BRWD3: variants seen among roughly 807,000 people sequenced by gnomAD.
BRWD3 encodes the protein bromodomain and WD repeat-containing protein 3.
Under a neutral mutation model 149.7 loss-of-function variants are expected in BRWD3, and 10 were observed. The observed-to-expected ratio is 0.07, with a 90% CI of 0.04 to 0.11. The LOEUF is 0.11. BRWD3 is among the 10% of genes least tolerant of loss of function. The pLI is 1.00. For missense variants in BRWD3, 940 were observed against 1,373.2 expected, an observed-to-expected ratio of 0.68 and a Z score of 4.99; for synonymous variants, 504 against 456.7, an observed-to-expected ratio of 1.10 and a Z score of -1.32.
At chrX:80,730,121 G>A in intron 12 of BRWD3, 101 bp from the exon 13 acceptor site, 1 of 547,837 alleles carries the variant, frequency 1.8e-6, no homozygotes, top group Admixed American at 2.7e-5. Context: ...CTACTGAGGG[G>A]AATGTAAAAT....
intron 5 of BRWD3, among the ~76,000 whole-genome samples, chrX:80,792,297 A>G (rs1444930133): frequency 1.8e-5 from 2 of 112,025 alleles, no homozygotes; most frequent in Admixed American, 1.9e-4. Context: ...GTCTATTCAT[A>G]TAAAACCGTA....
intron 6 of BRWD3, among the ~76,000 whole-genome samples, chrX:80,748,558 A>G (rs1039534948): frequency 8.9e-6 from 1 of 111,756 alleles, no homozygotes; most frequent in Non-Finnish European, 1.9e-5. Flanking sequence ...TACCGACTCA[A>G]TCTCATTACT....
At chrX:80,733,584 A>G (rs1431994069) in intron 11 of BRWD3, 88 bp from the exon 12 acceptor site, 57 of 709,333 alleles carry the variant, frequency 8.0e-5, no homozygotes, top group Non-Finnish European at 1.2e-4. Flanking sequence ...AGGCAAAAAC[A>G]TCATGAAGTA....
chrX:80,685,482 G>C lies in BRWD3; in HGVS notation c.4060C>G (p.Gln1354Glu). The C allele has an allele frequency of 8.3e-7, 1 of 1,208,213 alleles. No individual in the cohort carries two copies. The highest frequency in any genetic ancestry group is 1.1e-6 in the Non-Finnish European group (1 of 892,864). ...SSESVVPERQ[Q>E]DSSLSEDYQD... ...CCTACCTCAGAAAGAGATGAATCTT[G>C]TTGTCTTTCTGGAACAACAGACTCT... Residue 1354 changes from glutamine (Q) to glutamate (E), a missense_variant, in exon 36 of 41, where the codon CAA becomes GAA. Coordinates refer to ENST00000373275, the MANE Select transcript of BRWD3 (RefSeq NM_153252.5).
At chrX:80,712,693 T>C (rs1175749538) in intron 20 of BRWD3, among the ~76,000 whole-genome samples, 2 of 109,071 alleles carry the variant, frequency 1.8e-5, no homozygotes, top group African/African-American at 6.7e-5. Context: ...CCATCCCATC[T>C]AGGAAGTGAG....
chrX:80,682,258 C>G (rs1323701875), intron 38 of BRWD3, among the ~76,000 whole-genome samples, 164 bp from the exon 39 acceptor site: 2 of 111,032 alleles, frequency 1.8e-5, no homozygotes, highest in Non-Finnish European at 3.8e-5. Context: ...AAACTTCAAT[C>G]ATTAAAATTT....
At chrX:80,745,492 A>G in intron 7 of BRWD3, 77 bp downstream of exon 7, 1 of 985,865 alleles carries the variant, frequency 1.0e-6, no homozygotes, top group Non-Finnish European at 1.4e-6. Context: ...CTTACAAAGC[A>G]CAATGCAATG....
intron 20 of BRWD3, among the ~76,000 whole-genome samples, chrX:80,715,836 G>C (rs1042551029): frequency 9.0e-6 from 1 of 111,666 alleles, no homozygotes; most frequent in Non-Finnish European, 1.9e-5. Flanking sequence ...AGGATATCTG[G>C]ATCATTTGTT....
chrX:80,736,527 T>C (rs1377604798), intron 8 of BRWD3, among the ~76,000 whole-genome samples: 1 of 111,924 alleles, frequency 8.9e-6, no homozygotes, highest in Non-Finnish European at 1.9e-5. Context: ...GGGAAGTTAA[T>C]ATCCAAGTAT....
At chrX:80,777,096 T>C (rs781754475) in intron 6 of BRWD3, among the ~76,000 whole-genome samples, 22 of 109,429 alleles carry the variant, frequency 2.0e-4, no homozygotes, top group African/African-American at 7.0e-4. Flanking sequence ...GCATTTTGAA[T>C]TATCCTACAG....
In BRWD3 at chrX:80,742,023, C is replaced by T. The variant is rs2073518943; in HGVS notation, c.813+2009G>A. 1.2e-4 allele frequency among the ~76,000 whole-genome samples: 13 copies of T among 111,510 alleles called. 1 individual carries two copies. The Admixed American group carries it at 1.2e-3, about 11-fold the overall frequency. ...TGAATGGTATTGCCTAGGTTTTCTT[C>T]TAGGGTTTTTATGGTTTCAGGTCTA... On this transcript the variant is annotated intron_variant, in intron 8 of 40. Coordinates refer to ENST00000373275, the MANE Select transcript of BRWD3 (RefSeq NM_153252.5).
intron 25 of BRWD3, among the ~76,000 whole-genome samples, chrX:80,698,416 A>C (rs779631172): frequency 8.9e-6 from 1 of 111,940 alleles, no homozygotes; most frequent in African/African-American, 3.2e-5. Context: ...TAGGATAAAA[A>C]GTAAGAACTT....
Position 80,677,217 on chromosome X carries a change from A to G in BRWD3, c.4801T>C (p.Leu1601=), listed in dbSNP as rs1464256961. The G allele has an allele frequency of 8.3e-7, 1 of 1,210,362 alleles. No individual in the cohort carries two copies. Among genetic ancestry groups the G allele is most frequent in the Non-Finnish European group, 1.1e-6 (1 of 894,906 alleles). ...EKKETKEKSH[L]STSESGELGS... ...AACTCTCCACTCTCTGAGGTGGATAAATGAGATTTCTCTTTTGTTTCTTTT... is the reference window on the plus strand; with the variant it reads ...AACTCTCCACTCTCTGAGGTGGATAGATGAGATTTCTCTTTTGTTTCTTTT... Residue 1601 remains leucine, a synonymous_variant, in exon 41 of 41, where the codon TTA becomes CTA. Coordinates refer to ENST00000373275, the MANE Select transcript of BRWD3 (RefSeq NM_153252.5).
At chrX:80,695,415 T>G (rs796347586) in intron 27 of BRWD3, among the ~76,000 whole-genome samples, 2 of 112,024 alleles carry the variant, frequency 1.8e-5, no homozygotes, top group South Asian at 7.5e-4. Context: ...CTGTATTGTA[T>G]TGTTATACAA....
intron 10 of BRWD3, among the ~76,000 whole-genome samples, chrX:80,734,885 C>T (rs1292766897): frequency 9.2e-6 from 1 of 109,057 alleles, no homozygotes; most frequent in Non-Finnish European, 1.9e-5. Context: ...AGTAGGGGGT[C>T]TGTTTTTTAC....
chrX:80,725,235 C>G (rs1056213385), intron 14 of BRWD3, among the ~76,000 whole-genome samples, 168 bp from the exon 15 acceptor site: 1 of 111,670 alleles, frequency 9.0e-6, no homozygotes, highest in Non-Finnish European at 1.9e-5. Context: ...AGTGAGAGTT[C>G]CTTATAAACT....
rs1447322265 is a variant in BRWD3 at position 80,672,320 on chromosome X, G to A, written c.*4289C>T. Reference sequence around the variant, plus strand: ...AAAAAAGAAATAATCAAGAATAAGGGTATATAGGCCGGGCACGGTGGCTCA... The same window carrying A: ...AAAAAAGAAATAATCAAGAATAAGGATATATAGGCCGGGCACGGTGGCTCA... On this transcript the variant is annotated 3_prime_UTR_variant, in exon 41 of 41. Transcript: ENST00000373275. 2.0e-5 allele frequency: 2 copies of A among 102,390 alleles called. No individual in the cohort carries two copies. The highest frequency in any genetic ancestry group is 4.0e-5 in the Non-Finnish European group (2 of 50,412). 8.4% of individuals were successfully genotyped at this position (102,390 alleles called of 1,213,427 possible). A position where few individuals can be genotyped will look rare whatever the true frequency, so the allele number is the denominator to read the frequency against.
At chrX:80,705,978 A>AT (rs1240345484) in intron 22 of BRWD3, among the ~76,000 whole-genome samples, 1 of 112,175 alleles carries the variant, frequency 8.9e-6, no homozygotes, top group East Asian at 2.8e-4. Flanking sequence ...TATAAAAAAT[A>AT]TTTTTCTTTC....
intron 8 of BRWD3, among the ~76,000 whole-genome samples, chrX:80,740,072 T>C (rs985023993): frequency 1.8e-5 from 2 of 112,032 alleles, no homozygotes; most frequent in African/African-American, 6.5e-5. Context: ...ATGCATGAAA[T>C]AATTTCAAAT....
Sources: allele counts gnomAD v4.1 joint callset (sites outside exome capture counted in the v4.1 genomes callset), GRCh38; gene constraint gnomAD v4.1.1; transcripts MANE v1.5; gene names NCBI Gene and HGNC (gene_info 2026-07-23, HGNC 2026-07-21).